Variants in MAN2A1 observed in about 807,000 individuals in gnomAD.
MAN2A1 encodes the protein mannosidase alpha class 2A member 1, also known as alpha-mannosidase 2.
Under a neutral mutation model 142.6 loss-of-function variants are expected in MAN2A1, and 76 were observed. The ratio of observed to expected loss-of-function variants is 0.53; its 90% confidence interval spans 0.44 to 0.65. The LOEUF (loss-of-function observed/expected upper bound fraction) is 0.65. MAN2A1 is among the 30% of genes least tolerant of loss of function. MAN2A1 has a pLI of 0.00. For missense variants in MAN2A1, 1,311 were observed against 1,365.1 expected (o/e 0.96, Z 0.62); for synonymous variants, 559 against 473.2 (o/e 1.18, Z -2.35).
intron 18 of MAN2A1, 109 bp downstream of exon 18, chr5:109,846,115 C>G (rs1755338976): frequency 2.1e-6 from 2 of 966,230 alleles, no homozygotes; most frequent in African/African-American, 1.7e-5. Context: ...TCCCTGTCTT[C>G]TTTTCAGCTT....
chr5:109,845,832 A>G, intron 17 of MAN2A1, 33 bp from the exon 18 acceptor site: 2 of 1,577,398 alleles, frequency 1.3e-6, no homozygotes. Flanking sequence ...TGTAAATATC[A>G]CTTTTTGTAG....
intron 21 of MAN2A1, 30 bp from the exon 22 acceptor site, chr5:109,866,816 A>C: frequency 2.0e-6 from 3 of 1,470,446 alleles, no homozygotes; most frequent in Non-Finnish European, 2.8e-6. Context: ...AGTTGATCTA[A>C]ATATGTAAAT....
At chr5:109,814,266 A>G (rs924894094) in intron 12 of MAN2A1, among the ~76,000 whole-genome samples, 1 of 152,226 alleles carries the variant, frequency 6.6e-6, no homozygotes, top group Non-Finnish European at 1.5e-5. Context: ...ATTATGATAT[A>G]CTGAAACCTA....
At chr5:109,760,037 G>A (rs930973145) in intron 5 of MAN2A1, among the ~76,000 whole-genome samples, 25 of 151,982 alleles carry the variant, frequency 1.6e-4, no homozygotes, top group Admixed American at 8.5e-4. Context: ...TGCAGAACAT[G>A]CAGGTTTGTT....
chr5:109,759,956 TATATATATAGATAGATAG>T (rs1185672047), intron 5 of MAN2A1, among the ~76,000 whole-genome samples: 13,395 of 122,230 alleles, frequency 0.11, 1,298 homozygotes, highest in African/African-American at 0.26. Flanking sequence ...GCTATATATA[TATATATATAGATAGATAG>T]ATAGATAGAT....
At chr5:109,814,301 C>G (rs571665456) in intron 12 of MAN2A1, among the ~76,000 whole-genome samples, 137 of 152,106 alleles carry the variant, frequency 9.0e-4, no homozygotes, top group African/African-American at 2.6e-3. Context: ...AACTAGAGGG[C>G]CTGAAAGGAC....
intron 17 of MAN2A1, among the ~76,000 whole-genome samples, chr5:109,844,720 G>A (rs1457215891): frequency 6.6e-6 from 1 of 152,100 alleles, no homozygotes; most frequent in Non-Finnish European, 1.5e-5. Flanking sequence ...TCCTTGGTTT[G>A]TGTATGCATC....
intron 16 of MAN2A1, among the ~76,000 whole-genome samples, chr5:109,833,956 T>A (rs1427477853): frequency 6.6e-6 from 1 of 152,198 alleles, no homozygotes; most frequent in Non-Finnish European, 1.5e-5. Flanking sequence ...GACACCAATA[T>A]GTTGAACTGT....
At chr5:109,847,343 T>C (rs955252121) in intron 18 of MAN2A1, among the ~76,000 whole-genome samples, 2 of 152,190 alleles carry the variant, frequency 1.3e-5, no homozygotes, top group African/African-American at 2.4e-5. Flanking sequence ...ATTTACTCTT[T>C]AGGTTAATGT....
intron 18 of MAN2A1, among the ~76,000 whole-genome samples, chr5:109,846,575 T>A (rs576877876): frequency 6.6e-6 from 1 of 152,298 alleles, no homozygotes; most frequent in Admixed American, 6.5e-5. Flanking sequence ...CAAGTCTTTC[T>A]ATTGAGAGGC....
chr5:109,833,127 A>T (rs1754967047), intron 16 of MAN2A1, among the ~76,000 whole-genome samples: 2 of 143,636 alleles, frequency 1.4e-5, no homozygotes, highest in Admixed American at 1.4e-4. Flanking sequence ...CCGGGCAGAG[A>T]CGCTCCTCAC....
At chr5:109,756,909 G>T (rs1484086068) in intron 5 of MAN2A1, among the ~76,000 whole-genome samples, 1 of 152,138 alleles carries the variant, frequency 6.6e-6, no homozygotes, top group Non-Finnish European at 1.5e-5. Flanking sequence ...TGAACAGAGG[G>T]TGCCTACATG....
intron 20 of MAN2A1, among the ~76,000 whole-genome samples, chr5:109,858,119 A>G (rs1755669859): frequency 6.6e-6 from 1 of 152,236 alleles, no homozygotes; most frequent in Non-Finnish European, 1.5e-5. Flanking sequence ...GACCAAGAAG[A>G]TTAAAAACTG....
intron 3 of MAN2A1, among the ~76,000 whole-genome samples, chr5:109,728,855 G>A (rs1444991004): frequency 6.6e-6 from 1 of 152,016 alleles, no homozygotes; most frequent in Non-Finnish European, 1.5e-5. Context: ...AAGCTTTTAG[G>A]TATAGTTTAT....
intron 6 of MAN2A1, among the ~76,000 whole-genome samples, 163 bp from the exon 7 acceptor site, chr5:109,770,192 G>A (rs1753105466): frequency 6.6e-6 from 1 of 152,194 alleles, no homozygotes. Flanking sequence ...CAGACAGGTG[G>A]CCATTAAATA....
intron 4 of MAN2A1, 71 bp from the exon 5 acceptor site, chr5:109,755,258 T>A: frequency 1.7e-6 from 2 of 1,195,360 alleles, no homozygotes; most frequent in Non-Finnish European, 2.5e-6. Context: ...TTAATGTTTA[T>A]GCTTGTTTAG....
At chr5:109,783,374 C>A (rs1753512206) in intron 9 of MAN2A1, among the ~76,000 whole-genome samples, 1 of 152,028 alleles carries the variant, frequency 6.6e-6, no homozygotes, top group Admixed American at 6.6e-5. Context: ...CAATATTTCC[C>A]AAATCTTCTT....
rs139755480 is a variant in MAN2A1 at position 109,771,847 on chromosome 5, A to G, written c.1196+1306A>G. ...AGTGAACAAGATGTTTCAGCTGGGG[A>G]GTCCCAGTGCATTCATAGTATTGTG... On this transcript the variant is annotated intron_variant, in intron 7 of 21. Transcript: ENST00000261483. Among the ~76,000 whole-genome samples, 57 of 152,300 alleles carry G rather than the reference A, an allele frequency of 3.7e-4. No individual in the cohort carries two copies. The East Asian group carries it at 0.01, about 28-fold the overall frequency.
chr5:109,707,227 A>T (rs1189849628), intron 1 of MAN2A1, among the ~76,000 whole-genome samples: 1 of 152,106 alleles, frequency 6.6e-6, no homozygotes, highest in African/African-American at 2.4e-5. Flanking sequence ...TTTCCTTCCC[A>T]TTCTTACCTA....
Sources: gnomAD v4.1 joint callset for allele counts (sites outside exome capture counted in the v4.1 genomes callset) on GRCh38, gnomAD v4.1.1 for gene constraint, MANE v1.5 for transcripts, NCBI Gene and HGNC (gene_info 2026-07-23, HGNC 2026-07-21) for gene names.